TOX2: variants seen among roughly 807,000 people sequenced by gnomAD.
TOX2 encodes the protein TOX high mobility group box family member 2.
Under a neutral mutation model 47.4 loss-of-function variants are expected in TOX2, and 15 were observed. The observed-to-expected ratio is 0.32, with a 90% CI of 0.21 to 0.49. The LOEUF (loss-of-function observed/expected upper bound fraction) is 0.49, where lower values mean the gene tolerates loss of function less well. Ranked by LOEUF, TOX2 falls within the 20% of genes least tolerant of loss-of-function variation. The pLI, the probability that TOX2 is intolerant of heterozygous loss-of-function variation, is 0.99. For synonymous variants in TOX2, 290 were observed against 296.6 expected (o/e 0.98, Z 0.23); for missense variants, 622 against 673.1 (o/e 0.92, Z 0.84).
chr20:44,037,593 A>G (rs545756100), intron 3 of TOX2, among the ~76,000 whole-genome samples: 27 of 152,274 alleles, frequency 1.8e-4, no homozygotes, highest in African/African-American at 6.0e-4. Flanking sequence ...TGGGGGTGAT[A>G]AGAGTGCTTC....
rs369949490 is a variant in TOX2 at position 44,006,614 on chromosome 20, C to T, written c.233C>T (p.Pro78Leu). ...EIPPITPPNL[P>L]EPSLLHLGDH... ...CCCCCGATAACACCTCCCAACCTCCCGGAGCCATCCCTCCTGCACCTGGGG... is the reference window on the plus strand; with the variant it reads ...CCCCCGATAACACCTCCCAACCTCCTGGAGCCATCCCTCCTGCACCTGGGG... Residue 78 changes from proline (P) to leucine (L), a missense_variant, in exon 3 of 9, where the codon CCG becomes CTG. By Grantham distance (98) the Pro-to-Leu change is moderately conservative. Around this residue, in one of 3 missense-constraint regions of TOX2, gnomAD observed 307 missense variants for 327.3 expected, o/e 0.94. Transcript: ENST00000341197. 87 of 1,614,018 alleles carry T rather than the reference C, an allele frequency of 5.4e-5. No individual in the cohort carries two copies. The highest frequency in any genetic ancestry group is 6.7e-5 in the Non-Finnish European group (79 of 1,180,028).
chr20:44,016,718 C>T (rs574224970), intron 3 of TOX2, among the ~76,000 whole-genome samples: 1 of 152,332 alleles, frequency 6.6e-6, no homozygotes, highest in East Asian at 1.9e-4. Flanking sequence ...GCTGAGAAGG[C>T]TGTTCCACCT....
At chr20:43,949,410 A>C (rs1371218060) in intron 1 of TOX2, among the ~76,000 whole-genome samples, 1 of 152,102 alleles carries the variant, frequency 6.6e-6, no homozygotes, top group Non-Finnish European at 1.5e-5. Context: ...TCTGAGAACC[A>C]CCTGATGCGC....
intron 3 of TOX2, chr20:44,007,596 A>G (rs577150587): frequency 6.6e-6 from 1 of 152,536 alleles, no homozygotes; most frequent in Admixed American, 6.5e-5. Context: ...CTATAACCCC[A>G]GCACTTTGGG....
chr20:43,924,690 T>C (rs910041156), intron 1 of TOX2, among the ~76,000 whole-genome samples: 13 of 152,244 alleles, frequency 8.5e-5, no homozygotes, highest in African/African-American at 2.9e-4. Flanking sequence ...TGCTGTGGTG[T>C]GGCTACTGTT....
intron 2 of TOX2, among the ~76,000 whole-genome samples, chr20:44,000,486 T>C (rs1399087690): frequency 1.3e-5 from 2 of 152,070 alleles, no homozygotes; most frequent in African/African-American, 2.4e-5. Context: ...AGGGGTAGGT[T>C]CTCTCTTAAA....
At chr20:44,053,566 T>C (rs182765823) in intron 4 of TOX2, among the ~76,000 whole-genome samples, 30 of 141,922 alleles carry the variant, frequency 2.1e-4, no homozygotes, top group Non-Finnish European at 3.2e-4. Flanking sequence ...ATACTATATA[T>C]ACACACACAT....
intron 5 of TOX2, among the ~76,000 whole-genome samples, chr20:44,056,641 T>G (rs1335865946): frequency 6.6e-6 from 1 of 152,218 alleles, no homozygotes; most frequent in Non-Finnish European, 1.5e-5. Context: ...GGCATATATT[T>G]ATTTCCATCC....
intron 3 of TOX2, among the ~76,000 whole-genome samples, chr20:44,037,005 A>G (rs2071252128): frequency 6.6e-6 from 1 of 152,052 alleles, no homozygotes; most frequent in Non-Finnish European, 1.5e-5. Flanking sequence ...CCCAGGCTGG[A>G]GTGCAATGGT....
At chr20:43,968,741 G>A (rs1334496981) in intron 1 of TOX2, among the ~76,000 whole-genome samples, 1 of 152,202 alleles carries the variant, frequency 6.6e-6, no homozygotes, top group Admixed American at 6.5e-5. Context: ...AGATGGCAAT[G>A]GGAAAAGGAA....
At chr20:44,053,439 T>TACACACACAC (rs111951284) in intron 4 of TOX2, among the ~76,000 whole-genome samples, 270 of 143,132 alleles carry the variant, frequency 1.9e-3, no homozygotes, top group African/African-American at 5.1e-3. Context: ...GGCAGATATA[T>TACACACACAC]ACACACACAC....
chr20:43,969,001 A>G (rs923026130), intron 1 of TOX2, among the ~76,000 whole-genome samples: 2 of 152,360 alleles, frequency 1.3e-5, no homozygotes, highest in Middle Eastern at 3.4e-3. Context: ...ATGCACATTC[A>G]GTATATGTTT....
At chr20:43,949,811 C>T (rs1402800935) in intron 1 of TOX2, among the ~76,000 whole-genome samples, 1 of 152,180 alleles carries the variant, frequency 6.6e-6, no homozygotes, top group Non-Finnish European at 1.5e-5. Flanking sequence ...TGTCATTGTC[C>T]TCCCCATCAG....
intron 1 of TOX2, among the ~76,000 whole-genome samples, chr20:43,932,039 A>AG (rs1306732397): frequency 6.6e-6 from 1 of 152,090 alleles, no homozygotes; most frequent in African/African-American, 2.4e-5. Context: ...AGGTAACAGG[A>AG]GGGAAGATGT....
chr20:44,051,260 C>G, intron 3 of TOX2, 46 bp from the exon 4 acceptor site: 1 of 1,552,152 alleles, frequency 6.4e-7, no homozygotes, highest in Non-Finnish European at 8.7e-7. Flanking sequence ...GATGGAGTGG[C>G]AGGACAGATC....
In TOX2 at chr20:43,951,936, G is replaced by A. The variant is rs144415166; in HGVS notation, c.100-21431G>A. Among the ~76,000 whole-genome samples, 1,191 of 151,468 alleles carry A rather than the reference G, an allele frequency of 7.9e-3. 19 individuals are homozygous for A. Among genetic ancestry groups the A allele is most frequent in the African/African-American group, 0.027 (1,129 of 41,284 alleles). On this transcript the variant is annotated intron_variant, in intron 1 of 8. Transcript: ENST00000341197. ...TTTTGAGGCCGAGTCTCGCTCTGTC[G>A]CCCAAGCTGGAGTGCAGTGGTGCGA...
intron 1 of TOX2, among the ~76,000 whole-genome samples, chr20:43,936,640 C>T (rs779360429): frequency 1.4e-4 from 22 of 152,170 alleles, no homozygotes; most frequent in Non-Finnish European, 2.9e-4. Flanking sequence ...TCCTGTCCTC[C>T]AGCAGGCTAG....
intron 1 of TOX2, among the ~76,000 whole-genome samples, chr20:43,957,350 G>T (rs1011340190): frequency 2.0e-5 from 3 of 152,218 alleles, no homozygotes; most frequent in African/African-American, 7.2e-5. Flanking sequence ...CAAAAGGGGA[G>T]ACAAAATATA....
At chr20:43,986,569 A>G (rs2070269893) in intron 2 of TOX2, among the ~76,000 whole-genome samples, 1 of 152,074 alleles carries the variant, frequency 6.6e-6, no homozygotes, top group Admixed American at 6.6e-5. Flanking sequence ...GGTGTGAGCC[A>G]CTGTGCCCGG....
Sources: allele counts gnomAD v4.1 joint callset (sites outside exome capture counted in the v4.1 genomes callset), GRCh38; gene constraint gnomAD v4.1.1; regional missense constraint gnomAD v4.1.1; transcripts MANE v1.5; gene names NCBI Gene and HGNC (gene_info 2026-07-23, HGNC 2026-07-21).